SLIT3: variants seen among roughly 807,000 people sequenced by gnomAD.
The protein encoded by SLIT3 is slit guidance ligand 3.
In SLIT3, 68 loss-of-function variants were observed where a neutral mutation model predicts 184.0. That is an observed-to-expected ratio of 0.37 (90% CI 0.30 to 0.45). SLIT3 has a LOEUF of 0.45. SLIT3 is among the 20% of genes least tolerant of loss of function. The probability of loss-of-function intolerance (pLI) is 1.00; values close to 1 mark genes in which losing one functional copy is unlikely to be tolerated. For missense variants in SLIT3, 1,707 were observed against 2,026.0 expected, an observed-to-expected ratio of 0.84 and a Z score of 3.02; for synonymous variants, 831 against 828.6, an observed-to-expected ratio of 1.00 and a Z score of -0.05.
chr5:169,174,421 T>C (rs1762908844), intron 4 of SLIT3, among the ~76,000 whole-genome samples: 1 of 152,166 alleles, frequency 6.6e-6, no homozygotes, highest in African/African-American at 2.4e-5. Context: ...AGAGCATCTC[T>C]CCTTCTCAGA....
At chr5:169,250,878 C>T (rs1266682124) in intron 2 of SLIT3, among the ~76,000 whole-genome samples, 1 of 152,170 alleles carries the variant, frequency 6.6e-6, no homozygotes, top group East Asian at 1.9e-4. Context: ...ACCTAATATT[C>T]CTTGCTCCTC....
chr5:169,210,945 C>G (rs965528660), intron 3 of SLIT3, among the ~76,000 whole-genome samples: 3 of 152,120 alleles, frequency 2.0e-5, no homozygotes, highest in Admixed American at 6.5e-5. Context: ...ATTTGGTTAA[C>G]AGAAGGTTGG....
In SLIT3 at chr5:168,710,971, G is replaced by T. The variant is rs758437974; in HGVS notation, c.2643C>A (p.Ile881=). 1.3e-6 allele frequency: 2 copies of T among 1,566,942 alleles called. No homozygotes were observed. The highest frequency in any genetic ancestry group is 2.7e-5 in the African/African-American group (2 of 74,086). ...WVKAGYKEPG[I]ARCSSPEPMA... ...TGGGCTCAGGGCTACTGCAGCGGGC[G>T]ATGCCAGGCTCCTTGTACCCCGCCT... The change falls in exon 25 of 36, where the codon ATC becomes ATA. Residue 881 remains isoleucine, a synonymous_variant. Coordinates refer to ENST00000519560, the MANE Select transcript of SLIT3 (RefSeq NM_003062.4).
At position 168,817,060 on chromosome 5, in the gene SLIT3, A is replaced by G. The variant is rs542599979; in HGVS notation, c.793+240T>C. Among the ~76,000 whole-genome samples, 3 of 152,352 alleles carry G rather than the reference A, an allele frequency of 2.0e-5. No individual in the cohort carries two copies. The East Asian group carries it at 5.8e-4, about 29-fold the overall frequency. On this transcript the variant is annotated intron_variant, in intron 8 of 35. Coordinates refer to ENST00000519560, the MANE Select transcript of SLIT3 (RefSeq NM_003062.4). Reference sequence around the variant, plus strand: ...GTATCAATGGACTAGGGGCTGAAAAAGTAGTTCATGAATTCTTTTAGCATT... The same window carrying G: ...GTATCAATGGACTAGGGGCTGAAAAGGTAGTTCATGAATTCTTTTAGCATT...
chr5:168,770,277 C>A (rs951829831), intron 14 of SLIT3, among the ~76,000 whole-genome samples: 2 of 152,210 alleles, frequency 1.3e-5, no homozygotes, highest in Admixed American at 6.5e-5. Flanking sequence ...AGACGCCCTG[C>A]CTAAGGAGGG....
chr5:168,870,142 C>T (rs970579699), intron 5 of SLIT3, among the ~76,000 whole-genome samples: 7 of 152,242 alleles, frequency 4.6e-5, no homozygotes, highest in African/African-American at 1.7e-4. Context: ...GCTCTGAAAA[C>T]CACCGTCCTG....
At chr5:169,046,235 G>T (rs1190319519) in intron 4 of SLIT3, among the ~76,000 whole-genome samples, 4 of 152,202 alleles carry the variant, frequency 2.6e-5, no homozygotes, top group Non-Finnish European at 5.9e-5. Context: ...TTAGGGGGCA[G>T]TAGGGTCTGG....
chr5:169,145,473 G>A (rs1465971373), intron 4 of SLIT3, among the ~76,000 whole-genome samples: 1 of 152,186 alleles, frequency 6.6e-6, no homozygotes, highest in Non-Finnish European at 1.5e-5. Flanking sequence ...GGCTCTCCAT[G>A]TAAAAGGAAG....
intron 4 of SLIT3, among the ~76,000 whole-genome samples, chr5:168,993,295 A>AG (rs1380162136): frequency 2.6e-5 from 4 of 152,200 alleles, no homozygotes; most frequent in African/African-American, 9.7e-5. Context: ...CTGCACTCTC[A>AG]GGGGGGCTCC....
At chr5:168,838,778 G>A (rs1004843528) in intron 6 of SLIT3, among the ~76,000 whole-genome samples, 9 of 152,022 alleles carry the variant, frequency 5.9e-5, no homozygotes, top group Non-Finnish European at 1.0e-4. Flanking sequence ...ACTCTTCTGC[G>A]TCTACCTGTG....
At chr5:169,028,971 G>A (rs56756980) in intron 4 of SLIT3, among the ~76,000 whole-genome samples, 10,309 of 152,228 alleles carry the variant, frequency 0.068, 1,151 homozygotes, top group African/African-American at 0.23. Context: ...GTGTTCAGGG[G>A]TCTGGAGGTG....
At chr5:168,739,898 A>G (rs1164392062) in intron 20 of SLIT3, among the ~76,000 whole-genome samples, 1 of 152,222 alleles carries the variant, frequency 6.6e-6, no homozygotes, top group Non-Finnish European at 1.5e-5. Flanking sequence ...AATATAAAAC[A>G]ATGAAACTCT....
intron 1 of SLIT3, among the ~76,000 whole-genome samples, chr5:169,297,265 T>G (rs1767532102): frequency 1.3e-5 from 2 of 152,224 alleles, no homozygotes; most frequent in Non-Finnish European, 2.9e-5. Flanking sequence ...AGACAGAGTT[T>G]CTTTTTCTGC....
chr5:168,874,077 T>C (rs942471897), intron 5 of SLIT3, among the ~76,000 whole-genome samples: 2 of 152,166 alleles, frequency 1.3e-5, no homozygotes, highest in Non-Finnish European at 2.9e-5. Flanking sequence ...CCAGAGTATA[T>C]AAAAGACAGG....
rs141063974 is a variant in SLIT3, at chr5:168,817,412, C to A, written c.681G>T (p.Ser227=). 2.3e-5 allele frequency: 37 copies of A among 1,614,182 alleles called. No individual in the cohort carries two copies. The African/African-American group carries it at 3.5e-4, about 15-fold the overall frequency. ...LYCDCHLAWL[S]DWLRQRRTVG... ...CTGTCCGTCGCTGTCGCAGCCAATC[C>A]GAGAGCCAGGCCAGGTGGCAGTCGC... Residue 227 remains serine (S), a synonymous_variant, in exon 8 of 36, where the codon TCG becomes TCT. Transcript: ENST00000519560.
Position 169,237,631 on chromosome 5 carries a change from C to T in SLIT3, c.341+7074G>A, listed in dbSNP as rs1765249461. Among the ~76,000 whole-genome samples, 3 of 152,068 alleles carry T rather than the reference C, an allele frequency of 2.0e-5. No individual in the cohort carries two copies. The South Asian group carries it at 6.2e-4, about 32-fold the overall frequency. Reference sequence around the variant, plus strand: ...GTGTGTAGTAGTATCTCACTACACACCTATTTGCATCACCCTAATGAAAGA... The same window carrying T: ...GTGTGTAGTAGTATCTCACTACACATCTATTTGCATCACCCTAATGAAAGA... On this transcript the variant is annotated intron_variant, in intron 3 of 35. Coordinates refer to ENST00000519560, the MANE Select transcript of SLIT3 (RefSeq NM_003062.4).
chr5:168,777,097 A>T (rs781772877), intron 12 of SLIT3, among the ~76,000 whole-genome samples: 7,449 of 117,826 alleles, frequency 0.063, 209 homozygotes, highest in Middle Eastern at 0.098. Context: ...ACACACACAC[A>T]CACACACACC....
At chr5:168,998,456 AGCATTTTGGGAG>A (rs1157020999) in intron 4 of SLIT3, among the ~76,000 whole-genome samples, 3 of 152,208 alleles carry the variant, frequency 2.0e-5, no homozygotes, top group African/African-American at 7.2e-5. Flanking sequence ...CTATAATCCC[AGCATTTTGGGAG>A]GCTGAGGCGG....
intron 35 of SLIT3, 179 bp from the exon 36 acceptor site, chr5:168,666,868 C>A: frequency 2.0e-6 from 2 of 984,316 alleles, no homozygotes; most frequent in East Asian, 2.6e-5. Context: ...AGGTGCCTTT[C>A]CTGTACCAGG....
Sources: allele counts gnomAD v4.1 joint callset (sites outside exome capture counted in the v4.1 genomes callset), GRCh38; gene constraint gnomAD v4.1.1; transcripts MANE v1.5; gene names NCBI Gene and HGNC (gene_info 2026-07-23, HGNC 2026-07-21).